The following CD207 variants were observed in gnomAD, a reference collection of about 807,000 sequenced individuals.
CD207 encodes the protein CD207 molecule.
In CD207, 28 loss-of-function variants were observed where a neutral mutation model predicts 31.6. The ratio of observed to expected loss-of-function variants is 0.89; its 90% CI spans 0.66 to 1.21. The LOEUF is 1.21. Ranked by LOEUF, CD207 falls within the 50% of genes most tolerant of loss-of-function variation. The probability of loss-of-function intolerance (pLI) is 0.00; values close to 1 mark genes in which losing one functional copy is unlikely to be tolerated. For missense variants in CD207, 388 were observed against 397.8 expected (o/e 0.98, Z 0.21); for synonymous variants, 168 against 153.9 (o/e 1.09, Z -0.68).
At chr2:70,827,472 C>A (rs992777439), downstream of CD207, among the ~76,000 whole-genome samples, 1 of 152,210 alleles carries the variant, frequency 6.6e-6, no homozygotes, top group Non-Finnish European at 1.5e-5. Flanking sequence ...CTGGGGGCTA[C>A]CTGGAGCCCT....
intron 4 of CD207, among the ~76,000 whole-genome samples, chr2:70,832,247 G>GCCAGTGAAGTTTGC (rs371364429): frequency 3.2e-4 from 48 of 152,304 alleles, no homozygotes; most frequent in African/African-American, 1.1e-3. Context: ...TCAAGTGAGG[G>GCCAGTGAAGTTTGC]CCAGTGAAGT....
Position 70,830,832 on chromosome 2 carries a change from C to G in CD207, c.*218G>C, listed in dbSNP as rs186059238. The G allele has an allele frequency of 1.8e-3, 876 of 496,164 alleles. 7 individuals carry two copies. The highest frequency in any genetic ancestry group is 0.015 in the African/African-American group (777 of 52,022). The allele number at this position is 496,164 out of a possible 1,614,324, so 30.7% of individuals were successfully genotyped here. A position where few individuals can be genotyped will look rare whatever the true frequency, so the allele number is the denominator to read the frequency against. ...TTCTAAATCCTCTCTACCCACCCCTCCCACTTTAACCTGAATTCTCCTTTC... is the reference window on the plus strand; with the variant it reads ...TTCTAAATCCTCTCTACCCACCCCTGCCACTTTAACCTGAATTCTCCTTTC... On this transcript the variant is annotated 3_prime_UTR_variant, in exon 6 of 6. Transcript: ENST00000410009.
At chr2:70,832,831 A>G (rs1320076749) in intron 4 of CD207, 69 bp downstream of exon 4, 4 of 1,450,570 alleles carry the variant, frequency 2.8e-6, no homozygotes, top group Non-Finnish European at 3.7e-6. Flanking sequence ...ACGCAGTATA[A>G]TCTTGCCCAT....
intron 3 of CD207, 128 bp from the exon 4 acceptor site, chr2:70,833,179 C>A: frequency 1.3e-6 from 1 of 793,700 alleles, no homozygotes; most frequent in Non-Finnish European, 2.1e-6. Context: ...TCCTTGGGTC[C>A]TTGTATAGGA....
In CD207 at chr2:70,834,030, A is replaced by C. The variant is rs377027699; in HGVS notation, c.191-10T>G. On this transcript the variant is annotated splice_polypyrimidine_tract_variant and intron_variant, in intron 2 of 5. Transcript: ENST00000410009. ...CCCATAAACCGGGGATCTGGGATTG[A>C]GAAAGTCAGGAGGTCAGCTGAGGGG... The C allele has an allele frequency of 2.7e-6, 4 of 1,504,198 alleles. No homozygotes were observed. Among genetic ancestry groups the C allele is most frequent in the Non-Finnish European group, 2.7e-6 (3 of 1,128,146 alleles). The allele number at this position is 1,504,198 out of a possible 1,614,324, so 93.2% of individuals were successfully genotyped here.
downstream of CD207, among the ~76,000 whole-genome samples, chr2:70,829,472 A>G (rs781801479): frequency 3.3e-5 from 5 of 152,312 alleles, no homozygotes; most frequent in Admixed American, 6.5e-5. Flanking sequence ...GGAGGATGTG[A>G]TTGGCTTGTT....
Position 70,835,574 on chromosome 2 carries a change from G to C in CD207, c.107C>G (p.Pro36Arg), listed in dbSNP as rs782242067. Residue 36 changes from proline to arginine, a missense_variant, in exon 2 of 6, where the codon CCG becomes CGG. Pro to Arg is a moderately radical substitution (Grantham distance 103). Coordinates refer to ENST00000410009, the MANE Select transcript of CD207 (RefSeq NM_015717.5). ...AGCACGGACTGTGGGTGTTTTCCCCGGGACCAGAGATGGACCGGACTTGGG... is the reference window on the plus strand; with the variant it reads ...AGCACGGACTGTGGGTGTTTTCCCCCGGACCAGAGATGGACCGGACTTGGG... ...PPPKSGPSLV[P>R]GKTPTVRAAL... 2.5e-6 allele frequency: 4 copies of C among 1,614,002 alleles called. No homozygotes were observed. Among genetic ancestry groups the C allele is most frequent in the Non-Finnish European group, 3.4e-6 (4 of 1,179,886 alleles).
chr2:70,833,751 TTTGGGCA>T lies in CD207; in HGVS notation c.453_459del (p.Asn151LysfsTer5). 1 of 1,614,056 alleles carries T rather than the reference TTTGGGCA, an allele frequency of 6.2e-7. No individual in the cohort carries two copies. The highest frequency in any genetic ancestry group is 8.5e-7 in the Non-Finnish European group (1 of 1,179,908). On this transcript the variant is annotated frameshift_variant, in exon 3 of 6. Transcript: ENST00000410009. LOFTEE classifies it high-confidence loss of function. The stretch of plus-strand genomic sequence containing the variant: ...TCCAAATCACTTTTTAACTCTGGGA[TTTGGGCA>T]TTTAAGGTACTGACTTCTTCCCAAC...
the CD207 span, among the ~76,000 whole-genome samples, chr2:70,824,857 T>C: frequency 3.3e-5 from 5 of 152,108 alleles, no homozygotes; most frequent in African/African-American, 1.2e-4. Context: ...GGGCAGAAAA[T>C]GTCCAAATAT....
the CD207 span, among the ~76,000 whole-genome samples, chr2:70,824,609 G>A: frequency 0.59 from 62,555 of 105,372 alleles, 18,293 homozygotes; most frequent in Middle Eastern, 0.72. Context: ...AAAGTAAGGA[G>A]ATGCTTAGTT....
chr2:70,825,593 C>T (rs1363232938), downstream of CD207, among the ~76,000 whole-genome samples: 3 of 152,134 alleles, frequency 2.0e-5, no homozygotes, highest in African/African-American at 7.2e-5. Context: ...GGCTGGAGTA[C>T]AGTGGCGTGA....
downstream of CD207, among the ~76,000 whole-genome samples, chr2:70,825,761 A>G (rs979795621): frequency 6.6e-6 from 1 of 152,000 alleles, no homozygotes; most frequent in Non-Finnish European, 1.5e-5. Flanking sequence ...GGCTGGCCTC[A>G]AACTCTTGTG....
chr2:70,831,867 G>C, intron 4 of CD207, 48 bp from the exon 5 acceptor site: 1 of 1,221,938 alleles, frequency 8.2e-7, no homozygotes, highest in South Asian at 1.2e-5. Context: ...CTTGGAGCTT[G>C]ATCATCTGTC....
In CD207 at chr2:70,831,136, G is replaced by A. The variant is rs1553399670; in HGVS notation, c.901C>T (p.Pro301Ser). 3.7e-6 allele frequency: 6 copies of A among 1,613,706 alleles called. No homozygotes were observed. In the Admixed American group the frequency reaches 1.0e-4, roughly 27 times the overall value. ...GCATCATTCCAGGCCTGAAGTGAGG[G>A]AGCCTTTATATTGCCACAGTGTTCA... ...NNEHCGNIKA[P>S]SLQAWNDAPC... The change falls in exon 6 of 6, where the codon CCC (proline) becomes TCC (serine). Residue 301 changes from proline (P) to serine (S), a missense_variant. Physicochemically the swap from Pro to Ser is moderately conservative, Grantham distance 74 (BLOSUM62 -1). Coordinates refer to ENST00000410009, the MANE Select transcript of CD207 (RefSeq NM_015717.5).
chr2:70,834,800 AC>A (rs1209596306), intron 2 of CD207, among the ~76,000 whole-genome samples: 1 of 151,982 alleles, frequency 6.6e-6, no homozygotes, highest in Admixed American at 6.6e-5. Flanking sequence ...AGAAAAAAAA[AC>A]CCAACAGCTT....
intron 2 of CD207, among the ~76,000 whole-genome samples, chr2:70,834,847 C>A (rs1325350305): frequency 6.6e-6 from 1 of 152,104 alleles, no homozygotes; most frequent in East Asian, 1.9e-4. Context: ...GGAGCCCTGG[C>A]AGGAGGAAGA....
At chr2:70,834,055 G>A in intron 2 of CD207, 35 bp from the exon 3 acceptor site, 1 of 1,486,610 alleles carries the variant, frequency 6.7e-7, no homozygotes, top group Non-Finnish European at 8.9e-7. Flanking sequence ...CAGCTGAGGG[G>A]AGTCCCAGGG....
rs1214470007 is a variant in CD207, at chr2:70,830,395, C to G, written c.*655G>C. The G allele has an allele frequency of 2.6e-5, 4 of 152,498 alleles. No homozygotes were observed. Among genetic ancestry groups the G allele is most frequent in the Non-Finnish European group, 5.9e-5 (4 of 68,262 alleles). 9.4% of individuals were successfully genotyped at this position (152,498 alleles called of 1,614,324 possible). A position where few individuals can be genotyped will look rare whatever the true frequency, so the allele number is the denominator to read the frequency against. On this transcript the variant is annotated 3_prime_UTR_variant, in exon 6 of 6. Transcript: ENST00000410009. Reference sequence around the variant, plus strand: ...TGGGTGGAAGGCAGGGCTCGGCACTCCAGTGTACTAAGGGAGTGGAAGGAG... The same window carrying G: ...TGGGTGGAAGGCAGGGCTCGGCACTGCAGTGTACTAAGGGAGTGGAAGGAG...
intron 2 of CD207, among the ~76,000 whole-genome samples, chr2:70,835,179 G>C (rs1553400763): frequency 6.6e-6 from 1 of 152,236 alleles, no homozygotes; most frequent in African/African-American, 2.4e-5. Context: ...TTGGTGGGGG[G>C]TGGACGGGGA....
Sources: gnomAD v4.1 joint callset for allele counts (sites outside exome capture counted in the v4.1 genomes callset) on GRCh38, gnomAD v4.1.1 for gene constraint, MANE v1.5 for transcripts, NCBI Gene and HGNC (gene_info 2026-07-23, HGNC 2026-07-21) for gene names.